PXDNL: variants seen among roughly 807,000 people sequenced by gnomAD.
The protein encoded by PXDNL is peroxidasin like.
A neutral mutation model predicts 150.8 loss-of-function variants in PXDNL; 145 were observed. That is an observed-to-expected ratio of 0.96 (90% CI 0.84 to 1.10). The LOEUF is 1.10. Ranked by LOEUF, PXDNL falls within the 50% of genes least tolerant of loss-of-function variation. The pLI is 0.00. For synonymous variants in PXDNL, 757 were observed against 725.7 expected, an observed-to-expected ratio of 1.04 and a Z score of -0.69; for missense variants, 2,087 against 1,873.9, an observed-to-expected ratio of 1.11 and a Z score of -2.10.
chr8:51,329,436 A>T (rs1471660238), intron 21 of PXDNL, among the ~76,000 whole-genome samples: 1 of 152,244 alleles, frequency 6.6e-6, no homozygotes, highest in African/African-American at 2.4e-5. Context: ...GCAAAGGCTT[A>T]TCAACTACAG....
rs544340860 is a variant in PXDNL at position 51,716,925 on chromosome 8, G to C, written c.165-62165C>G. ...TAAATCCAAGAACTCTTTTTTTGTT[G>C]TTGTTTTCTACTCTATCAGTTAGGA... On this transcript the variant is annotated intron_variant, in intron 1 of 22. Transcript: ENST00000356297. Among the ~76,000 whole-genome samples the C allele has an allele frequency of 5.9e-4, 89 of 152,072 alleles. No homozygotes were observed. The South Asian group carries it at 0.011, about 18-fold the overall frequency.
intron 4 of PXDNL, among the ~76,000 whole-genome samples, chr8:51,518,008 T>A (rs1038155485): frequency 1.3e-5 from 2 of 152,256 alleles, no homozygotes; most frequent in Non-Finnish European, 2.9e-5. Context: ...TATCTTCATA[T>A]AATAGCAAGG....
At chr8:51,330,506 C>A (rs774178296) in intron 21 of PXDNL, among the ~76,000 whole-genome samples, 9 of 152,010 alleles carry the variant, frequency 5.9e-5, no homozygotes, top group Admixed American at 2.6e-4. Flanking sequence ...AACAAAATAC[C>A]ACAGATTGGG....
chr8:51,481,050 T>C (rs1468706844), intron 6 of PXDNL, among the ~76,000 whole-genome samples: 2 of 151,996 alleles, frequency 1.3e-5, no homozygotes, highest in African/African-American at 4.8e-5. Context: ...GTTGGAACAG[T>C]TTAGAGGGCT....
chr8:51,712,890 A>G (rs982907119), intron 1 of PXDNL, among the ~76,000 whole-genome samples: 9 of 151,866 alleles, frequency 5.9e-5, no homozygotes, highest in Non-Finnish European at 8.8e-5. Flanking sequence ...ATGATTTTGC[A>G]GAGTCTCAGA....
chr8:51,394,828 A>G (rs191986044), intron 17 of PXDNL, among the ~76,000 whole-genome samples: 6 of 152,308 alleles, frequency 3.9e-5, no homozygotes, highest in Admixed American at 3.3e-4. Context: ...ACATAGGCCT[A>G]GAAGTCTCTG....
At chr8:51,449,637 A>G (rs1809758488) in intron 10 of PXDNL, among the ~76,000 whole-genome samples, 1 of 152,198 alleles carries the variant, frequency 6.6e-6, no homozygotes, top group Admixed American at 6.5e-5. Context: ...AAATATTCAG[A>G]TTTTGTATTA....
intron 2 of PXDNL, among the ~76,000 whole-genome samples, chr8:51,630,972 C>T (rs992315939): frequency 1.2e-4 from 18 of 152,124 alleles, no homozygotes; most frequent in Admixed American, 2.6e-4. Flanking sequence ...CATAAAGACA[C>T]ATGCATACTT....
chr8:51,636,531 T>G (rs1485005691), intron 2 of PXDNL, among the ~76,000 whole-genome samples: 1 of 152,166 alleles, frequency 6.6e-6, no homozygotes, highest in Non-Finnish European at 1.5e-5. Context: ...AAAAATCTGC[T>G]GTGTTCTGTA....
At chr8:51,693,622 T>G (rs1277682410) in intron 1 of PXDNL, among the ~76,000 whole-genome samples, 1 of 151,954 alleles carries the variant, frequency 6.6e-6, no homozygotes, top group East Asian at 1.9e-4. Context: ...AAAATACAAT[T>G]AGCCAGGCAT....
intron 19 of PXDNL, among the ~76,000 whole-genome samples, chr8:51,359,079 T>C (rs1806626368): frequency 6.6e-6 from 1 of 152,108 alleles, no homozygotes; most frequent in Non-Finnish European, 1.5e-5. Flanking sequence ...GCTGATGTCA[T>C]AGCCCAGCCC....
At chr8:51,803,277 T>C (rs1477103846) in intron 1 of PXDNL, among the ~76,000 whole-genome samples, 1 of 152,068 alleles carries the variant, frequency 6.6e-6, no homozygotes, top group Non-Finnish European at 1.5e-5. Context: ...TCTCAGCGAG[T>C]ATCTCTCTTT....
intron 12 of PXDNL, among the ~76,000 whole-genome samples, chr8:51,442,176 C>A (rs1356110447): frequency 2.6e-5 from 4 of 151,720 alleles, no homozygotes; most frequent in Non-Finnish European, 5.9e-5. Flanking sequence ...GAAAATGATA[C>A]CTTCTTCCCA....
intron 17 of PXDNL, among the ~76,000 whole-genome samples, chr8:51,382,446 C>T (rs7018330): frequency 1.1e-3 from 175 of 152,214 alleles, no homozygotes; most frequent in African/African-American, 3.9e-3. Flanking sequence ...ATAATTATGA[C>T]CTTCCATTGA....
chr8:51,432,893 C>T (rs1265648994), intron 12 of PXDNL, among the ~76,000 whole-genome samples: 7 of 152,106 alleles, frequency 4.6e-5, no homozygotes, highest in Non-Finnish European at 7.4e-5. Flanking sequence ...TGAGTACATG[C>T]AATCTTCTTC....
chr8:51,546,258 G>A (rs1379627356), intron 4 of PXDNL, among the ~76,000 whole-genome samples: 1 of 152,176 alleles, frequency 6.6e-6, no homozygotes, highest in Non-Finnish European at 1.5e-5. Flanking sequence ...CAGATCACAA[G>A]GGAAGGATTT....
At chr8:51,375,074 C>T (rs575590875) in intron 17 of PXDNL, among the ~76,000 whole-genome samples, 2 of 152,010 alleles carry the variant, frequency 1.3e-5, no homozygotes, top group Non-Finnish European at 2.9e-5. Flanking sequence ...TGTATAAATG[C>T]AACTAGCTAA....
intron 20 of PXDNL, among the ~76,000 whole-genome samples, chr8:51,344,283 A>T (rs1361257423): frequency 2.3e-5 from 3 of 130,408 alleles, no homozygotes; most frequent in East Asian, 2.1e-4. Flanking sequence ...TTTTTAAATT[A>T]AAAAAAAAAA....
intron 2 of PXDNL, among the ~76,000 whole-genome samples, chr8:51,626,572 T>C (rs991530970): frequency 2.0e-5 from 3 of 152,140 alleles, no homozygotes; most frequent in Admixed American, 6.5e-5. Flanking sequence ...TCCAAACAAA[T>C]ACCCAAGCTT....
Sources: allele counts gnomAD v4.1 joint callset (sites outside exome capture counted in the v4.1 genomes callset), GRCh38; gene constraint gnomAD v4.1.1; transcripts MANE v1.5; gene names NCBI Gene and HGNC (gene_info 2026-07-23, HGNC 2026-07-21).